Variants in GALNT14 observed in about 807,000 individuals in gnomAD.
The protein encoded by GALNT14 is polypeptide N-acetylgalactosaminyltransferase 14.
In GALNT14, 60 loss-of-function variants were observed where a neutral mutation model predicts 77.5. The observed-to-expected ratio is 0.77, with a 90% CI of 0.63 to 0.96. The LOEUF is 0.96. Ranked by LOEUF, GALNT14 falls within the 40% of genes least tolerant of loss-of-function variation. The pLI is 0.00. For missense variants in GALNT14, 710 were observed against 731.0 expected (o/e 0.97, Z 0.33); for synonymous variants, 280 against 281.7 (o/e 0.99, Z 0.06).
downstream of GALNT14, among the ~76,000 whole-genome samples, chr2:30,908,446 C>T (rs1664203427): frequency 6.9e-6 from 1 of 144,264 alleles, no homozygotes; most frequent in Non-Finnish European, 1.5e-5. Context: ...CATGAGTGAA[C>T]TCCCATTCAC....
intron 1 of GALNT14, among the ~76,000 whole-genome samples, chr2:31,018,535 T>C (rs1018587202): frequency 6.6e-6 from 1 of 152,192 alleles, no homozygotes; most frequent in African/African-American, 2.4e-5. Flanking sequence ...GCCCCCGTGA[T>C]CCAGTCACGT....
intron 1 of GALNT14, among the ~76,000 whole-genome samples, chr2:31,006,064 C>T (rs961300172): frequency 1.3e-5 from 2 of 152,232 alleles, no homozygotes; most frequent in African/African-American, 4.8e-5. Context: ...ACTTCTGGTC[C>T]CTTCTCCTCG....
At chr2:30,989,561 T>TATATATATATATAC (rs1491201149) in intron 2 of GALNT14, among the ~76,000 whole-genome samples, 4 of 23,366 alleles carry the variant, frequency 1.7e-4, no homozygotes, top group African/African-American at 1.4e-3. Context: ...GTAAATACCT[T>TATATATATATATAC]ATATATATAT....
chr2:31,060,028 C>A (rs1489764588), intron 1 of GALNT14, among the ~76,000 whole-genome samples: 1 of 152,234 alleles, frequency 6.6e-6, no homozygotes, highest in Non-Finnish European at 1.5e-5. Flanking sequence ...TCCCTTTCCG[C>A]TCCCTGCACT....
chr2:30,924,439 A>G (rs1020411772), intron 12 of GALNT14, 176 bp from the exon 13 acceptor site: 1 of 678,014 alleles, frequency 1.5e-6, no homozygotes, highest in Admixed American at 2.8e-5. Context: ...GGAAAGACCC[A>G]GGAGCTACAG....
intron 6 of GALNT14, among the ~76,000 whole-genome samples, chr2:30,951,347 T>A (rs1047051973): frequency 6.6e-6 from 1 of 152,180 alleles, no homozygotes; most frequent in African/African-American, 2.4e-5. Flanking sequence ...AGGCCACATG[T>A]TGTGTGATTC....
chr2:31,119,413 C>A (rs535179897), intron 1 of GALNT14, among the ~76,000 whole-genome samples: 1 of 152,232 alleles, frequency 6.6e-6, no homozygotes, highest in South Asian at 2.1e-4. Context: ...TATGAATAGA[C>A]CCCTCATAGA....
rs183027188 is a variant in GALNT14, at chr2:30,964,581, T to G, written c.398+1623A>C. ...GTTGGGAAATCAAATTTGAATCAGG[T>G]GGCTCTTGGGGTGATTACAGAAGCC... On this transcript the variant is annotated intron_variant, in intron 3 of 14. Coordinates refer to ENST00000349752, the MANE Select transcript of GALNT14 (RefSeq NM_024572.4). Among the ~76,000 whole-genome samples, 125 of 152,218 alleles carry G rather than the reference T, an allele frequency of 8.2e-4. 2 individuals carry two copies. In the East Asian group the frequency reaches 0.02, roughly 24 times the overall value.
intron 2 of GALNT14, among the ~76,000 whole-genome samples, chr2:30,985,664 T>C (rs6737493): frequency 0.65 from 98,655 of 152,036 alleles, 32,131 homozygotes; most frequent in Middle Eastern, 0.76. Context: ...TGGAGTGAAC[T>C]CAGAGATCAA....
Position 31,043,735 on chromosome 2 carries a change from G to A in GALNT14, c.130-50728C>T, listed in dbSNP as rs182333554. Among the ~76,000 whole-genome samples, 63 of 152,170 alleles carry A rather than the reference G, an allele frequency of 4.1e-4. 1 individual carries two copies. The highest frequency in any genetic ancestry group is 1.5e-3 in the African/African-American group (63 of 41,506). On this transcript the variant is annotated intron_variant, in intron 1 of 14. Transcript: ENST00000349752. ...TATATTGAGGGCCTGTTACCTACTA[G>A]GTCCTGTGCATATAAAGATGATTAA... is the stretch of plus-strand genomic sequence containing the variant.
chr2:30,966,239 G>A lies in GALNT14; in HGVS notation c.363C>T (p.Asn121=), dbSNP rs752782072. 3.0e-5 allele frequency: 49 copies of A among 1,613,912 alleles called. No individual in the cohort carries two copies. The East Asian group carries it at 3.1e-4, about 10-fold the overall frequency. The change falls in exon 3 of 15, where the codon AAC becomes AAT. Residue 121 remains asparagine, a synonymous_variant. Coordinates refer to ENST00000349752, the MANE Select transcript of GALNT14 (RefSeq NM_024572.4). ...TCCTGAGCAGCGTGGAGCGGGCCTC[G>A]TTGTGGAAGGTGATGATGATGCTAG... is the stretch of plus-strand genomic sequence containing the variant. ...PPTSIIITFH[N]EARSTLLRTI... is the part of the protein sequence containing the mutation.
At chr2:31,099,225 C>T (rs1217864426) in intron 1 of GALNT14, among the ~76,000 whole-genome samples, 3 of 151,990 alleles carry the variant, frequency 2.0e-5, no homozygotes, top group Non-Finnish European at 4.4e-5. Context: ...CATCTTTTAA[C>T]AAATTTAGGT....
At chr2:31,035,347 G>A (rs952856366) in intron 1 of GALNT14, among the ~76,000 whole-genome samples, 16 of 151,804 alleles carry the variant, frequency 1.1e-4, no homozygotes, top group Admixed American at 9.8e-4. Flanking sequence ...ATTATAAAAT[G>A]TTCTTGTTTC....
rs1036803017 is a variant in GALNT14, at chr2:30,932,270, C to G, written c.932-76G>C. 5 of 1,324,564 alleles carry G rather than the reference C, an allele frequency of 3.8e-6. No homozygotes were observed. The South Asian group carries it at 8.2e-5, about 22-fold the overall frequency. 82.1% of individuals were successfully genotyped at this position (1,324,564 alleles called of 1,614,324 possible). A position where few individuals can be genotyped will look rare whatever the true frequency, so the allele number is the denominator to read the frequency against. Reference sequence around the variant, plus strand: ...CTTTGAGGCCCCAGGTCTAATGAAACGGTGAGGCCCCCGCAGAGGCGAAAG... The same window carrying G: ...CTTTGAGGCCCCAGGTCTAATGAAAGGGTGAGGCCCCCGCAGAGGCGAAAG... On this transcript the variant is annotated intron_variant, in intron 9 of 14. Transcript: ENST00000349752.
chr2:31,070,324 G>A (rs966447120), intron 1 of GALNT14, among the ~76,000 whole-genome samples: 1 of 152,198 alleles, frequency 6.6e-6, no homozygotes, highest in African/African-American at 2.4e-5. Flanking sequence ...GGACCACGTA[G>A]GTCCCATTGT....
chr2:30,992,708 G>T, intron 2 of GALNT14, 130 bp downstream of exon 2: 1 of 1,046,202 alleles, frequency 9.6e-7, no homozygotes, highest in Non-Finnish European at 1.4e-6. Context: ...AATCCCTTTA[G>T]TGTTCAACTG....
intron 10 of GALNT14, among the ~76,000 whole-genome samples, chr2:30,931,723 A>C (rs1241441894): frequency 6.6e-6 from 1 of 152,046 alleles, no homozygotes; most frequent in African/African-American, 2.4e-5. Context: ...CTAGAACTCC[A>C]AAGTAAAAAG....
chr2:30,947,162 G>A (rs1573013943), intron 6 of GALNT14, among the ~76,000 whole-genome samples: 3 of 151,966 alleles, frequency 2.0e-5, no homozygotes, highest in African/African-American at 7.3e-5. Context: ...TCCTAAACCC[G>A]ACCCCACTCT....
intron 2 of GALNT14, among the ~76,000 whole-genome samples, chr2:30,986,644 T>C (rs1343677221): frequency 6.6e-6 from 1 of 152,216 alleles, no homozygotes; most frequent in African/African-American, 2.4e-5. Flanking sequence ...AAAAACGCAA[T>C]TACTTTTGCA....
Sources: allele counts gnomAD v4.1 joint callset (sites outside exome capture counted in the v4.1 genomes callset), GRCh38; gene constraint gnomAD v4.1.1; transcripts MANE v1.5; gene names NCBI Gene and HGNC (gene_info 2026-07-23, HGNC 2026-07-21).